The following NELL2 variants were observed in gnomAD, a reference collection of about 807,000 sequenced individuals.
NELL2 encodes protein kinase C-binding protein NELL2.
NELL2 carries 41 observed loss-of-function variants against 109.6 expected under a neutral mutation model. The observed-to-expected ratio is 0.37, with a 90% CI of 0.29 to 0.49. NELL2 has a LOEUF of 0.49. NELL2 is among the 20% of genes least tolerant of loss of function. The pLI is 0.98. For missense variants in NELL2, 900 were observed against 1,008.3 expected (o/e 0.89, Z 1.45); for synonymous variants, 355 against 344.7 (o/e 1.03, Z -0.33).
At chr12:44,770,589 G>A (rs1323173448) in intron 9 of NELL2, among the ~76,000 whole-genome samples, 1 of 152,174 alleles carries the variant, frequency 6.6e-6, no homozygotes, top group African/African-American at 2.4e-5. Context: ...ATATTAAAGT[G>A]TAATCTATAT....
At position 44,580,164 on chromosome 12, in the gene NELL2, G is replaced by A. The variant is rs372847296; in HGVS notation, c.1663+27005C>T. Among the ~76,000 whole-genome samples, 17 of 152,200 alleles carry A rather than the reference G, an allele frequency of 1.1e-4. No individual in the cohort carries two copies. The East Asian group carries it at 1.5e-3, about 14-fold the overall frequency. ...GGACTTTGTACCCACTTCATTTTAA[G>A]ATTAACTTGTAGTAGAGACTCCTAC... On this transcript the variant is annotated intron_variant, in intron 15 of 19. Coordinates refer to ENST00000429094, the MANE Select transcript of NELL2 (RefSeq NM_001145108.2).
intron 2 of NELL2, among the ~76,000 whole-genome samples, chr12:44,837,443 A>T (rs972391103): frequency 1.3e-5 from 2 of 152,150 alleles, no homozygotes; most frequent in Admixed American, 1.3e-4. Context: ...ACCACTGATT[A>T]GGTTTTCCGC....
intron 13 of NELL2, among the ~76,000 whole-genome samples, chr12:44,664,391 T>C (rs932159304): frequency 1.3e-5 from 2 of 152,096 alleles, no homozygotes; most frequent in Non-Finnish European, 2.9e-5. Flanking sequence ...CTCATTCTTT[T>C]TGAATGCCAT....
At chr12:44,675,861 T>C (rs891889765) in intron 12 of NELL2, among the ~76,000 whole-genome samples, 3 of 152,114 alleles carry the variant, frequency 2.0e-5, no homozygotes, top group Admixed American at 2.0e-4. Flanking sequence ...GCAACATTTC[T>C]AGACCCCAGG....
At chr12:44,589,092 C>T (rs540577608) in intron 15 of NELL2, among the ~76,000 whole-genome samples, 1 of 152,254 alleles carries the variant, frequency 6.6e-6, no homozygotes, top group Non-Finnish European at 1.5e-5. Context: ...GATGGAGTTA[C>T]TTCTCAGTAT....
chr12:44,777,966 T>C (rs1184149335), intron 5 of NELL2, among the ~76,000 whole-genome samples: 1 of 152,182 alleles, frequency 6.6e-6, no homozygotes, highest in East Asian at 1.9e-4. Flanking sequence ...TTTACATGCA[T>C]ACTTAGTCAT....
At chr12:44,521,963 C>T (rs767197295) in intron 18 of NELL2, 37 bp downstream of exon 18, 4 of 1,604,980 alleles carry the variant, frequency 2.5e-6, no homozygotes, top group Non-Finnish European at 3.4e-6. Context: ...AGATTCTGGG[C>T]CTAAATTTTC....
At chr12:44,647,130 T>C (rs1401058045) in intron 13 of NELL2, among the ~76,000 whole-genome samples, 1 of 152,028 alleles carries the variant, frequency 6.6e-6, no homozygotes, top group Admixed American at 6.6e-5. Flanking sequence ...ACCAAGAGCA[T>C]AGAGGGAAAT....
chr12:44,585,349 C>G (rs1034027693), intron 15 of NELL2, among the ~76,000 whole-genome samples: 3 of 152,038 alleles, frequency 2.0e-5, no homozygotes, highest in African/African-American at 7.3e-5. Flanking sequence ...CACCTGTAAT[C>G]CCAGAACTTT....
intron 1 of NELL2, among the ~76,000 whole-genome samples, chr12:44,910,264 A>T (rs1945764841): frequency 6.6e-6 from 1 of 152,070 alleles, no homozygotes. Flanking sequence ...AAGGTTCTTA[A>T]TTCAACAAGC....
intron 3 of NELL2, among the ~76,000 whole-genome samples, chr12:44,803,817 A>G (rs553632031): frequency 2.4e-4 from 37 of 152,088 alleles, no homozygotes; most frequent in African/African-American, 8.9e-4. Flanking sequence ...ATATTTCCAA[A>G]ATATTCAAAT....
intron 9 of NELL2, among the ~76,000 whole-genome samples, chr12:44,764,067 T>G (rs1941231007): frequency 6.6e-6 from 1 of 152,264 alleles, no homozygotes; most frequent in Non-Finnish European, 1.5e-5. Flanking sequence ...CCACAAGTAT[T>G]CAGAAAAAGA....
intron 3 of NELL2, among the ~76,000 whole-genome samples, chr12:44,813,387 T>C (rs1054901522): frequency 6.6e-6 from 1 of 152,190 alleles, no homozygotes; most frequent in African/African-American, 2.4e-5. Flanking sequence ...AATAATAACC[T>C]ATCTAGATAA....
At chr12:44,601,680 C>T (rs1204431171) in intron 15 of NELL2, among the ~76,000 whole-genome samples, 1 of 152,106 alleles carries the variant, frequency 6.6e-6, no homozygotes, top group Non-Finnish European at 1.5e-5. Context: ...TTTACAAAAT[C>T]ATCATATCAG....
At chr12:44,650,426 G>T (rs187316576) in intron 13 of NELL2, among the ~76,000 whole-genome samples, 168 of 152,032 alleles carry the variant, frequency 1.1e-3, no homozygotes, top group African/African-American at 3.9e-3. Context: ...TTCCGGAGTA[G>T]CTGGGATTAC....
intron 9 of NELL2, among the ~76,000 whole-genome samples, chr12:44,764,458 G>T (rs10880679): frequency 0.22 from 33,330 of 151,924 alleles, 3,891 homozygotes; most frequent in East Asian, 0.27. Context: ...ACTAATCATA[G>T]AGAAATAACT....
chr12:44,854,572 T>C (rs1944622312), intron 2 of NELL2, among the ~76,000 whole-genome samples: 1 of 152,188 alleles, frequency 6.6e-6, no homozygotes, highest in Non-Finnish European at 1.5e-5. Context: ...CTAACTCCCA[T>C]CTACACATCA....
chr12:44,810,655 A>T (rs956544631), intron 3 of NELL2, among the ~76,000 whole-genome samples: 16 of 152,120 alleles, frequency 1.1e-4, no homozygotes, highest in Admixed American at 2.0e-4. Context: ...TCAGCCCCTA[A>T]AGCCAGTAGG....
At chr12:44,725,649 A>C (rs1939034346) in intron 9 of NELL2, among the ~76,000 whole-genome samples, 1 of 152,284 alleles carries the variant, frequency 6.6e-6, no homozygotes, top group Non-Finnish European at 1.5e-5. Flanking sequence ...GTGGTACCTA[A>C]GCACCATGAA....
Sources: allele counts gnomAD v4.1 joint callset (sites outside exome capture counted in the v4.1 genomes callset), GRCh38; gene constraint gnomAD v4.1.1; transcripts MANE v1.5; gene names NCBI Gene and HGNC (gene_info 2026-07-23, HGNC 2026-07-21).